The following MYO3A variants were observed in gnomAD, a reference collection of about 807,000 sequenced individuals.
MYO3A encodes myosin IIIA.
A neutral mutation model predicts 192.7 loss-of-function variants in MYO3A; 180 were observed. The observed-to-expected ratio is 0.93, with a 90% CI of 0.83 to 1.06. The LOEUF (loss-of-function observed/expected upper bound fraction) is 1.06, where lower values mean the gene tolerates loss of function less well. Ranked by LOEUF, MYO3A falls within the 50% of genes least tolerant of loss-of-function variation. The pLI, the probability that MYO3A is intolerant of heterozygous loss-of-function variation, is 0.00. For synonymous variants in MYO3A, 628 were observed against 645.3 expected (o/e 0.97, Z 0.41); for missense variants, 1,896 against 1,905.0 (o/e 1.00, Z 0.09).
Position 26,030,979 on chromosome 10 carries a change from T to G in MYO3A, c.953+4447T>G, listed in dbSNP as rs550115435. Among the ~76,000 whole-genome samples the G allele has an allele frequency of 2.9e-4, 44 of 152,310 alleles. 1 individual carries two copies. The South Asian group carries it at 9.1e-3, about 32-fold the overall frequency. ...ACACTCCTCAAAAAACGGGAAAGCA[T>G]TTTTCACACGAGTTAAAATTGACAA... On this transcript the variant is annotated intron_variant, in intron 10 of 34. Transcript: ENST00000642920.
intron 4 of MYO3A, among the ~76,000 whole-genome samples, chr10:25,979,795 C>CT (rs1380628756): frequency 6.6e-6 from 1 of 152,112 alleles, no homozygotes; most frequent in African/African-American, 2.4e-5. Flanking sequence ...TTGTGGGGGC[C>CT]TTTCCTGTGC....
In MYO3A at chr10:25,980,129, C is replaced by T. The variant is rs529631067; in HGVS notation, c.304-16361C>T. On this transcript the variant is annotated intron_variant, in intron 4 of 34. Transcript: ENST00000642920. ...GCAGGCGCCTGTAGTCCCAGCTACT[C>T]GGGAGGCTGAGGCAGGAGAATGTGG... Among the ~76,000 whole-genome samples the T allele has an allele frequency of 3.3e-5, 5 of 151,138 alleles. No individual in the cohort carries two copies. In the East Asian group the frequency reaches 7.9e-4, roughly 24 times the overall value.
Position 26,212,158 on chromosome 10 carries a change from C to A in MYO3A, c.*195C>A. On this transcript the variant is annotated 3_prime_UTR_variant, in exon 35 of 35. Coordinates refer to ENST00000642920, the MANE Select transcript of MYO3A (RefSeq NM_017433.5). ...CTCCGAAACAAGAGACCTGGGAGCC[C>A]TCGGGAAACCTCCCCCGACGCTCTC... 1.3e-6 allele frequency: 1 copy of A among 744,662 alleles called. No homozygotes were observed. The allele number at this position is 744,662 out of a possible 1,614,324, so 46.1% of individuals were successfully genotyped here.
chr10:25,992,478 T>A (rs1840103828), intron 4 of MYO3A, among the ~76,000 whole-genome samples: 1 of 152,224 alleles, frequency 6.6e-6, no homozygotes, highest in South Asian at 2.1e-4. Context: ...TGACTTCTTC[T>A]TTCCTAATTG....
chr10:25,965,490 G>C (rs1334022275), intron 4 of MYO3A, among the ~76,000 whole-genome samples: 1 of 152,040 alleles, frequency 6.6e-6, no homozygotes, highest in Non-Finnish European at 1.5e-5. Flanking sequence ...GCCTTGAGCT[G>C]TGCAGCCTGG....
At chr10:26,049,628 G>A (rs541419936) in intron 10 of MYO3A, among the ~76,000 whole-genome samples, 21 of 151,432 alleles carry the variant, frequency 1.4e-4, no homozygotes, top group Admixed American at 9.2e-4. Flanking sequence ...CCAGAAAGGA[G>A]GCAGAGTGAT....
At chr10:26,174,691 G>C (rs1842229789) in intron 30 of MYO3A, 134 bp downstream of exon 30, 2 of 770,140 alleles carry the variant, frequency 2.6e-6, no homozygotes, top group Non-Finnish European at 4.2e-6. Flanking sequence ...TTAATAAAAT[G>C]TCTCAGGGAT....
rs1488708984 is a variant in MYO3A at position 26,021,579 on chromosome 10, T to C, written c.662T>C (p.Ile221Thr). 1.2e-6 allele frequency: 2 copies of C among 1,614,090 alleles called. No homozygotes were observed. The highest frequency in any genetic ancestry group is 1.7e-6 in the Non-Finnish European group (2 of 1,179,974). ...CDTWSLGITA[I>T]ELGDGDPPLA... The stretch of plus-strand genomic sequence containing the variant: ...ACTTGGTCCCTGGGTATCACGGCCA[T>C]TGAGCTGGGTGATGGAGATCCTCCA... Residue 221 changes from isoleucine (I) to threonine (T), a missense_variant, in exon 8 of 35, where the codon ATT becomes ACT. Ile to Thr is a moderately conservative substitution (Grantham distance 89). Coordinates refer to ENST00000642920, the MANE Select transcript of MYO3A (RefSeq NM_017433.5).
At chr10:26,186,254 A>G (rs896964438) in intron 31 of MYO3A, among the ~76,000 whole-genome samples, 3 of 149,600 alleles carry the variant, frequency 2.0e-5, no homozygotes, top group African/African-American at 7.4e-5. Flanking sequence ...CCTGTCCATC[A>G]GTGATATCCT....
intron 18 of MYO3A, among the ~76,000 whole-genome samples, chr10:26,123,640 C>G (rs1036644731): frequency 2.6e-5 from 4 of 152,062 alleles, no homozygotes; most frequent in Non-Finnish European, 5.9e-5. Context: ...TATCAAAAAA[C>G]TTTCAGCCAG....
intron 7 of MYO3A, among the ~76,000 whole-genome samples, chr10:26,017,933 A>T (rs981546102): frequency 6.6e-6 from 1 of 150,646 alleles, no homozygotes. Flanking sequence ...ATGAGAAGTT[A>T]ATAAGAACCT....
In MYO3A at chr10:26,193,319, G is replaced by A; in HGVS notation, c.4545+8G>A. On this transcript the variant is annotated splice_region_variant and intron_variant, in intron 32 of 34. Coordinates refer to ENST00000642920, the MANE Select transcript of MYO3A (RefSeq NM_017433.5). ...TACTATTATCTACTTCATGTAAGTGGCTCACTCTTACTATCAGATGGGAGC... is the reference window on the plus strand; with the variant it reads ...TACTATTATCTACTTCATGTAAGTGACTCACTCTTACTATCAGATGGGAGC... The A allele has an allele frequency of 6.3e-7, 1 of 1,595,600 alleles. No homozygotes were observed. Among genetic ancestry groups the A allele is most frequent in the Non-Finnish European group, 8.6e-7 (1 of 1,163,774 alleles).
intron 10 of MYO3A, among the ~76,000 whole-genome samples, chr10:26,062,546 CTAAT>C (rs954705350): frequency 2.9e-5 from 4 of 138,182 alleles, no homozygotes; most frequent in Non-Finnish European, 6.5e-5. Flanking sequence ...ATGGAGGAAT[CTAAT>C]TAAGAGTTGC....
Position 26,205,871 on chromosome 10 carries a change from G to A in MYO3A, c.4730+2764G>A, listed in dbSNP as rs541621119. On this transcript the variant is annotated intron_variant, in intron 34 of 34. Transcript: ENST00000642920. Reference sequence around the variant, plus strand: ...TCTGACCTTGTGATTTGCCCTCCTCGGCCTCCCAAAATGCTGGGATTACAG... The same window carrying A: ...TCTGACCTTGTGATTTGCCCTCCTCAGCCTCCCAAAATGCTGGGATTACAG... Among the ~76,000 whole-genome samples the A allele has an allele frequency of 2.6e-5, 4 of 151,786 alleles. No homozygotes were observed. The South Asian group carries it at 6.2e-4, about 24-fold the overall frequency.
intron 31 of MYO3A, among the ~76,000 whole-genome samples, chr10:26,189,536 G>A (rs1843024402): frequency 6.6e-6 from 1 of 152,216 alleles, no homozygotes; most frequent in South Asian, 2.1e-4. Flanking sequence ...GCTTTTCTAT[G>A]AGAAGGTGAG....
chr10:26,099,858 T>G (rs1280986021), intron 17 of MYO3A, among the ~76,000 whole-genome samples: 1 of 152,230 alleles, frequency 6.6e-6, no homozygotes, highest in Non-Finnish European at 1.5e-5. Context: ...TCAGGGATAT[T>G]GATCTAAAAT....
intron 4 of MYO3A, among the ~76,000 whole-genome samples, chr10:25,983,645 G>A (rs1839473454): frequency 6.6e-6 from 1 of 152,212 alleles, no homozygotes; most frequent in South Asian, 2.1e-4. Flanking sequence ...TGGTGCTCCT[G>A]AGGAAGAAGA....
At chr10:26,195,346 C>T (rs1453970552) in intron 32 of MYO3A, among the ~76,000 whole-genome samples, 1 of 152,206 alleles carries the variant, frequency 6.6e-6, no homozygotes. Flanking sequence ...TACCCTCTTC[C>T]AGGCCAGCAT....
At chr10:26,121,767 CAAAATGG>C (rs1391220483) in intron 18 of MYO3A, among the ~76,000 whole-genome samples, 2 of 152,100 alleles carry the variant, frequency 1.3e-5, no homozygotes, top group African/African-American at 4.8e-5. Context: ...CACACACACA[CAAAATGG>C]AGAATCATGA....
Sources: gnomAD v4.1 joint callset for allele counts (sites outside exome capture counted in the v4.1 genomes callset) on GRCh38, gnomAD v4.1.1 for gene constraint, MANE v1.5 for transcripts, NCBI Gene and HGNC (gene_info 2026-07-23, HGNC 2026-07-21) for gene names.